PRR16: variants seen among roughly 807,000 people sequenced by gnomAD.
PRR16 encodes protein Largen.
PRR16 carries 6 observed loss-of-function variants against 18.2 expected under a neutral mutation model. The ratio of observed to expected loss-of-function variants is 0.33; its 90% CI spans 0.18 to 0.65. The LOEUF (loss-of-function observed/expected upper bound fraction) is 0.65. PRR16 is among the 30% of genes least tolerant of loss of function. The pLI is 0.74. For missense variants in PRR16, 412 were observed against 376.6 expected, an observed-to-expected ratio of 1.09 and a Z score of -0.78; for synonymous variants, 151 against 147.8, an observed-to-expected ratio of 1.02 and a Z score of -0.16.
At chr5:120,757,867 T>A in the PRR16 span, among the ~76,000 whole-genome samples, 1 of 152,094 alleles carries the variant, frequency 6.6e-6, no homozygotes, top group African/African-American at 2.4e-5. Flanking sequence ...AAAATGGAAC[T>A]ATAGTTTTCA....
At chr5:120,639,692 G>T (rs569985259) in intron 1 of PRR16, among the ~76,000 whole-genome samples, 3 of 151,746 alleles carry the variant, frequency 2.0e-5, no homozygotes, top group Non-Finnish European at 4.4e-5. Context: ...ACTGTTGATG[G>T]GAATTATACA....
chr5:120,512,059 T>C (rs1750844102), intron 1 of PRR16, among the ~76,000 whole-genome samples: 1 of 126,340 alleles, frequency 7.9e-6, no homozygotes, highest in South Asian at 2.3e-4. Context: ...CAAGGAACCC[T>C]GAGAGGAAAG....
At chr5:120,767,907 GA>G in the PRR16 span, among the ~76,000 whole-genome samples, 1 of 151,762 alleles carries the variant, frequency 6.6e-6, no homozygotes, top group East Asian at 1.9e-4. Flanking sequence ...CCACTTTTAT[GA>G]TATATCAATT....
At chr5:120,501,333 A>T (rs534814136) in intron 1 of PRR16, among the ~76,000 whole-genome samples, 4 of 152,350 alleles carry the variant, frequency 2.6e-5, no homozygotes, top group Admixed American at 2.6e-4. Context: ...AAGAGGGAGT[A>T]TATCCATCAA....
chr5:120,752,287 C>A, the PRR16 span, among the ~76,000 whole-genome samples: 1 of 151,956 alleles, frequency 6.6e-6, no homozygotes, highest in African/African-American at 2.4e-5. Context: ...TACATTAATT[C>A]CAGACGAGAC....
intron 1 of PRR16, among the ~76,000 whole-genome samples, chr5:120,601,070 T>C (rs1003787090): frequency 2.6e-5 from 4 of 152,022 alleles, no homozygotes; most frequent in South Asian, 2.1e-4. Flanking sequence ...GTTATTTATA[T>C]TCCTTTCAAT....
intron 1 of PRR16, among the ~76,000 whole-genome samples, chr5:120,559,787 G>A (rs977146860): frequency 1.3e-5 from 2 of 151,824 alleles, no homozygotes; most frequent in African/African-American, 2.4e-5. Flanking sequence ...AATGCATGGA[G>A]CATGGAATAT....
chr5:120,470,409 T>C (rs1749230954), intron 1 of PRR16, among the ~76,000 whole-genome samples: 1 of 152,164 alleles, frequency 6.6e-6, no homozygotes, highest in Non-Finnish European at 1.5e-5. Flanking sequence ...AAAATAAGTA[T>C]ACTAAACATT....
chr5:120,646,881 G>A (rs1347845959), intron 1 of PRR16, among the ~76,000 whole-genome samples: 1 of 151,942 alleles, frequency 6.6e-6, no homozygotes, highest in Non-Finnish European at 1.5e-5. Flanking sequence ...CAGAATAATA[G>A]ATATCAGAAA....
the PRR16 span, among the ~76,000 whole-genome samples, chr5:120,758,498 C>G: frequency 6.6e-6 from 1 of 152,104 alleles, no homozygotes; most frequent in African/African-American, 2.4e-5. Flanking sequence ...TGTCCCCACC[C>G]AAATCTCATG....
rs956729736 is a variant in PRR16 at position 120,470,200 on chromosome 5, C to T, written c.159+5555C>T. On this transcript the variant is annotated intron_variant, in intron 1 of 1. Transcript: ENST00000407149. Reference sequence around the variant, plus strand: ...TTAGAGTAATAAAATTCCAGTAGGTCGCTGATTCAACTCTGATTGAAATAT... The same window carrying T: ...TTAGAGTAATAAAATTCCAGTAGGTTGCTGATTCAACTCTGATTGAAATAT... Among the ~76,000 whole-genome samples, 6 of 152,052 alleles carry T rather than the reference C, an allele frequency of 3.9e-5. No homozygotes were observed. In the East Asian group the frequency reaches 7.7e-4, roughly 20 times the overall value.
At chr5:120,542,752 G>T (rs1050317672) in intron 1 of PRR16, among the ~76,000 whole-genome samples, 1 of 152,162 alleles carries the variant, frequency 6.6e-6, no homozygotes, top group African/African-American at 2.4e-5. Flanking sequence ...TCCCCTTGCA[G>T]TATTGTGTAG....
intron 1 of PRR16, among the ~76,000 whole-genome samples, chr5:120,671,954 G>A (rs1756621408): frequency 6.6e-6 from 1 of 152,286 alleles, no homozygotes; most frequent in African/African-American, 2.4e-5. Flanking sequence ...TTTGTTGTAA[G>A]ACTTTTCCTT....
chr5:120,663,256 T>C (rs1458286026), intron 1 of PRR16, among the ~76,000 whole-genome samples: 1 of 152,166 alleles, frequency 6.6e-6, no homozygotes, highest in African/African-American at 2.4e-5. Context: ...CAGTGAATTA[T>C]GCCTTCTTAG....
At chr5:120,757,216 G>A in the PRR16 span, among the ~76,000 whole-genome samples, 4 of 151,992 alleles carry the variant, frequency 2.6e-5, no homozygotes, top group Non-Finnish European at 5.9e-5. Context: ...TTTGGTTACT[G>A]TAGCCTTATA....
the PRR16 span, among the ~76,000 whole-genome samples, chr5:120,693,326 G>A: frequency 2.0e-5 from 3 of 152,150 alleles, no homozygotes; most frequent in South Asian, 6.2e-4. Context: ...CATTAAGTAT[G>A]TATCCTGAGA....
the PRR16 span, among the ~76,000 whole-genome samples, chr5:120,770,832 A>G: frequency 6.6e-6 from 1 of 151,840 alleles, no homozygotes; most frequent in Non-Finnish European, 1.5e-5. Context: ...TTATAACAAA[A>G]TTGAGATATC....
At chr5:120,564,933 C>T (rs1375637755) in intron 1 of PRR16, among the ~76,000 whole-genome samples, 1 of 150,576 alleles carries the variant, frequency 6.6e-6, no homozygotes, top group Non-Finnish European at 1.5e-5. Context: ...TTGCAGTTAG[C>T]CGAGATCGCG....
At chr5:120,653,769 G>T (rs904223928) in intron 1 of PRR16, among the ~76,000 whole-genome samples, 24 of 151,934 alleles carry the variant, frequency 1.6e-4, no homozygotes, top group African/African-American at 5.6e-4. Context: ...CTGATGGGCA[G>T]CCCTCTTGTG....
Sources: gnomAD v4.1 joint callset for allele counts (sites outside exome capture counted in the v4.1 genomes callset) on GRCh38, gnomAD v4.1.1 for gene constraint, MANE v1.5 for transcripts, NCBI Gene and HGNC (gene_info 2026-07-23, HGNC 2026-07-21) for gene names.